Variants in GRM7 observed in about 807,000 individuals in gnomAD.
GRM7 encodes glutamate metabotropic receptor 7, also known as metabotropic glutamate receptor 7.
Under a neutral mutation model 84.5 loss-of-function variants are expected in GRM7, and 35 were observed. The observed-to-expected ratio is 0.41, with a 90% confidence interval of 0.32 to 0.55. The LOEUF is 0.55. GRM7 is among the 20% of genes least tolerant of loss of function. The probability of loss-of-function intolerance (pLI) is 0.19; values close to 1 mark genes in which losing one functional copy is unlikely to be tolerated. For missense variants in GRM7, 1,003 were observed against 1,194.6 expected (o/e 0.84, Z 2.36); for synonymous variants, 487 against 455.1 (o/e 1.07, Z -0.89).
intron 9 of GRM7, among the ~76,000 whole-genome samples, chr3:7,723,057 TG>T (rs1045874563): frequency 3.9e-5 from 6 of 152,202 alleles, no homozygotes; most frequent in Admixed American, 3.9e-4. Flanking sequence ...AAGATTTAAC[TG>T]TTAAGGTTTT....
chr3:7,703,620 C>T (rs184406055), intron 9 of GRM7, among the ~76,000 whole-genome samples: 6 of 152,262 alleles, frequency 3.9e-5, no homozygotes, highest in Admixed American at 6.5e-5. Context: ...TTGAATACTT[C>T]TAGTGATAGG....
intron 1 of GRM7, among the ~76,000 whole-genome samples, chr3:7,099,388 T>G (rs1698989573): frequency 1.3e-5 from 2 of 148,414 alleles, no homozygotes; most frequent in Non-Finnish European, 3.0e-5. Flanking sequence ...ATATAATATA[T>G]ACATTATATA....
chr3:7,365,645 G>A (rs573474242), intron 4 of GRM7, among the ~76,000 whole-genome samples: 1,338 of 123,848 alleles, frequency 0.011, 24 homozygotes, highest in African/African-American at 0.041. Context: ...GTGTGCGTGT[G>A]TGTATATATA....
intron 2 of GRM7, among the ~76,000 whole-genome samples, chr3:7,296,322 T>C (rs1026978531): frequency 2.0e-5 from 3 of 152,158 alleles, no homozygotes; most frequent in Admixed American, 6.6e-5. Flanking sequence ...TTTGCAAATA[T>C]GTTCCAAGTA....
intron 4 of GRM7, among the ~76,000 whole-genome samples, chr3:7,393,703 C>G (rs1356887663): frequency 6.6e-6 from 1 of 152,204 alleles, no homozygotes; most frequent in Non-Finnish European, 1.5e-5. Flanking sequence ...TTTATGTATG[C>G]ACACAATTGC....
At chr3:7,711,217 G>T (rs1483787704) in intron 9 of GRM7, among the ~76,000 whole-genome samples, 2 of 152,186 alleles carry the variant, frequency 1.3e-5, no homozygotes. Context: ...GTGGCTGGGG[G>T]TTGCTATTTT....
intron 8 of GRM7, among the ~76,000 whole-genome samples, chr3:7,676,006 T>A (rs751109370): frequency 1.3e-5 from 2 of 152,180 alleles, no homozygotes; most frequent in African/African-American, 2.4e-5. Context: ...TCGGACTTTT[T>A]TTTTTGTCGC....
At chr3:7,161,398 A>T (rs182624561) in intron 2 of GRM7, among the ~76,000 whole-genome samples, 1 of 148,862 alleles carries the variant, frequency 6.7e-6, no homozygotes, top group Non-Finnish European at 1.5e-5. Context: ...TACGTGAAAT[A>T]ACACTTTTTC....
intron 3 of GRM7, among the ~76,000 whole-genome samples, chr3:7,305,754 G>A (rs1700172992): frequency 6.6e-6 from 1 of 151,878 alleles, no homozygotes; most frequent in Non-Finnish European, 1.5e-5. Context: ...GTAGCTCTGT[G>A]GTGCCTGATA....
chr3:7,711,459 GA>G (rs1327264466), intron 9 of GRM7, among the ~76,000 whole-genome samples: 1 of 152,182 alleles, frequency 6.6e-6, no homozygotes, highest in Non-Finnish European at 1.5e-5. Context: ...ATTGCAGTTA[GA>G]AACTGGTCCA....
chr3:6,888,423 G>C (rs1004251927), intron 1 of GRM7, among the ~76,000 whole-genome samples: 1 of 152,110 alleles, frequency 6.6e-6, no homozygotes, highest in African/African-American at 2.4e-5. Flanking sequence ...GTGTAAGGAA[G>C]GGATCCAGTT....
intron 5 of GRM7, among the ~76,000 whole-genome samples, chr3:7,421,009 G>A (rs920880047): frequency 2.6e-5 from 4 of 152,228 alleles, no homozygotes; most frequent in African/African-American, 7.2e-5. Context: ...AAAATGCCAT[G>A]CCCATAAAAG....
intron 2 of GRM7, among the ~76,000 whole-genome samples, chr3:7,150,824 G>A (rs1694262394): frequency 6.6e-6 from 1 of 152,220 alleles, no homozygotes; most frequent in African/African-American, 2.4e-5. Context: ...ATGATAGCAT[G>A]TGGCACTAAT....
chr3:6,994,643 A>G (rs73812007), intron 1 of GRM7, among the ~76,000 whole-genome samples: 2,691 of 152,258 alleles, frequency 0.018, 71 homozygotes, highest in African/African-American at 0.059. Context: ...TCCTTAAACT[A>G]TTACAGCTTT....
chr3:6,875,990 G>A (rs1056907120), intron 1 of GRM7, among the ~76,000 whole-genome samples: 15 of 152,214 alleles, frequency 9.9e-5, no homozygotes, highest in South Asian at 4.1e-4. Context: ...TGGCATGGCC[G>A]GGCGTAGTGG....
chr3:6,973,186 T>C (rs1216146136), intron 1 of GRM7, among the ~76,000 whole-genome samples: 2 of 152,144 alleles, frequency 1.3e-5, no homozygotes, highest in Non-Finnish European at 2.9e-5. Flanking sequence ...TTTATTATGA[T>C]GGTTTTATTA....
intron 7 of GRM7, among the ~76,000 whole-genome samples, chr3:7,476,322 A>T (rs557636733): frequency 4.3e-4 from 65 of 152,250 alleles, no homozygotes; most frequent in African/African-American, 1.5e-3. Context: ...CTGAAGCGGG[A>T]GGATAACAAG....
intron 1 of GRM7, among the ~76,000 whole-genome samples, chr3:7,127,732 T>C (rs1363352870): frequency 6.6e-6 from 1 of 152,198 alleles, no homozygotes; most frequent in Non-Finnish European, 1.5e-5. Flanking sequence ...TACAAATGCA[T>C]TGGTTTCAAA....
intron 4 of GRM7, among the ~76,000 whole-genome samples, chr3:7,332,894 G>A (rs540648004): frequency 1.3e-5 from 2 of 152,204 alleles, no homozygotes; most frequent in South Asian, 2.1e-4. Context: ...GGTAGCTAAA[G>A]GCAACAGACA....
Sources: gnomAD v4.1 joint callset for allele counts (sites outside exome capture counted in the v4.1 genomes callset) on GRCh38, gnomAD v4.1.1 for gene constraint, MANE v1.5 for transcripts, NCBI Gene and HGNC (gene_info 2026-07-23, HGNC 2026-07-21) for gene names.